CAST: variants seen among roughly 807,000 people sequenced by gnomAD.
CAST encodes MIR583 host.
CAST carries 76 observed loss-of-function variants against 119.6 expected under a neutral mutation model. The observed-to-expected ratio is 0.64, with a 90% CI of 0.53 to 0.77. The LOEUF (loss-of-function observed/expected upper bound fraction) is 0.77, where lower values mean the gene tolerates loss of function less well. Ranked by LOEUF, CAST falls within the 30% of genes least tolerant of loss-of-function variation. The pLI is 0.00. For synonymous variants in CAST, 319 were observed against 331.6 expected, an observed-to-expected ratio of 0.96 and a Z score of 0.41; for missense variants, 953 against 946.5, an observed-to-expected ratio of 1.01 and a Z score of -0.09.
At chr5:96,013,349 T>C in the CAST span, among the ~76,000 whole-genome samples, 14 of 151,926 alleles carry the variant, frequency 9.2e-5, no homozygotes. Context: ...CACCCATTTA[T>C]ACTTTTTGAA....
chr5:96,740,681 C>G (rs574711733), intron 12 of CAST, 64 bp from the exon 13 acceptor site: 2 of 1,161,268 alleles, frequency 1.7e-6, no homozygotes, highest in African/African-American at 3.0e-5. Flanking sequence ...ACGGGCAATA[C>G]ATTTTGCCGA....
At chr5:96,508,383 A>T in the CAST span, among the ~76,000 whole-genome samples, 1 of 152,170 alleles carries the variant, frequency 6.6e-6, no homozygotes, top group Non-Finnish European at 1.5e-5. Flanking sequence ...ATTCATTCAG[A>T]GTACCTAGTA....
At chr5:96,158,406 T>C in the CAST span, among the ~76,000 whole-genome samples, 1 of 152,206 alleles carries the variant, frequency 6.6e-6, no homozygotes, top group African/African-American at 2.4e-5. Flanking sequence ...TTAACCAGTT[T>C]TTAATAACTG....
chr5:96,448,988 C>A, the CAST span, among the ~76,000 whole-genome samples: 1 of 152,202 alleles, frequency 6.6e-6, no homozygotes, highest in African/African-American at 2.4e-5. Flanking sequence ...TGAAAAACAA[C>A]AATTCTCTGC....
At chr5:96,603,669 C>T (rs1747199819) in intron 1 of CAST, among the ~76,000 whole-genome samples, 1 of 147,850 alleles carries the variant, frequency 6.8e-6, no homozygotes, top group Non-Finnish European at 1.5e-5. Flanking sequence ...TGTAAAATAA[C>T]AATTAAAAGT....
chr5:96,370,886 G>A, the CAST span, among the ~76,000 whole-genome samples: 3 of 152,178 alleles, frequency 2.0e-5, no homozygotes. Context: ...ACCTGTTTAT[G>A]ATATAACTCA....
intron 2 of CAST, among the ~76,000 whole-genome samples, chr5:96,683,004 C>T (rs1751631839): frequency 6.6e-6 from 1 of 152,122 alleles, no homozygotes; most frequent in Admixed American, 6.5e-5. Flanking sequence ...CCACTGAACG[C>T]ACCAGATTTC....
chr5:96,180,819 A>G, the CAST span, among the ~76,000 whole-genome samples: 1 of 152,206 alleles, frequency 6.6e-6, no homozygotes, highest in East Asian at 1.9e-4. Context: ...ATGCAAGAAC[A>G]AGCAAACCAA....
At chr5:96,550,752 G>A (rs1007352070) in intron 1 of CAST, among the ~76,000 whole-genome samples, 7 of 152,250 alleles carry the variant, frequency 4.6e-5, no homozygotes, top group South Asian at 4.1e-4. Context: ...ACCACAGTAC[G>A]AGAACTTCAT....
At chr5:96,180,532 T>C in the CAST span, among the ~76,000 whole-genome samples, 1 of 152,126 alleles carries the variant, frequency 6.6e-6, no homozygotes, top group Non-Finnish European at 1.5e-5. Context: ...ACAACAATCA[T>C]ATGAAAACAT....
chr5:96,486,704 T>C, the CAST span, among the ~76,000 whole-genome samples: 1,617 of 115,898 alleles, frequency 0.014, 38 homozygotes, highest in African/African-American at 0.061. Flanking sequence ...ATCTTTTGTG[T>C]TGGGGGGGCA....
intron 2 of CAST, among the ~76,000 whole-genome samples, chr5:96,692,972 G>T (rs986149936): frequency 4.6e-5 from 7 of 152,170 alleles, no homozygotes; most frequent in African/African-American, 1.7e-4. Flanking sequence ...AAGAAAGGGG[G>T]CCAAAACAAC....
At chr5:96,619,707 C>G (rs1334740240) in intron 1 of CAST, among the ~76,000 whole-genome samples, 1 of 152,176 alleles carries the variant, frequency 6.6e-6, no homozygotes, top group African/African-American at 2.4e-5. Flanking sequence ...ATCCAAACAT[C>G]AGAATAACAA....
the CAST span, among the ~76,000 whole-genome samples, chr5:96,163,757 G>C: frequency 2.0e-5 from 3 of 152,154 alleles, no homozygotes; most frequent in African/African-American, 4.8e-5. Flanking sequence ...ATGCAATCTT[G>C]TGTAAGTTAC....
At chr5:96,678,205 C>A (rs1016419976) in intron 2 of CAST, among the ~76,000 whole-genome samples, 1 of 152,158 alleles carries the variant, frequency 6.6e-6, no homozygotes, top group Non-Finnish European at 1.5e-5. Context: ...TATTTTCTTA[C>A]CTACTGCTCT....
chr5:96,545,248 G>C (rs1280597978), intron 1 of CAST: 1 of 152,038 alleles, frequency 6.6e-6, no homozygotes, highest in Non-Finnish European at 1.5e-5. Flanking sequence ...ACTCTATCTT[G>C]GTTGGAAGCA....
At chr5:96,466,460 G>GTCACCT in the CAST span, among the ~76,000 whole-genome samples, 2 of 152,082 alleles carry the variant, frequency 1.3e-5, no homozygotes, top group African/African-American at 4.8e-5. Flanking sequence ...AGAGCCACTA[G>GTCACCT]TCACCTTCTG....
At chr5:96,361,024 C>G in the CAST span, among the ~76,000 whole-genome samples, 3 of 152,164 alleles carry the variant, frequency 2.0e-5, no homozygotes, top group African/African-American at 7.2e-5. Context: ...TTCAGAGATG[C>G]CCTGCCCAGA....
At chr5:96,287,375 A>G in the CAST span, among the ~76,000 whole-genome samples, 10 of 152,290 alleles carry the variant, frequency 6.6e-5, no homozygotes, top group East Asian at 1.7e-3. Flanking sequence ...GTATTTACAA[A>G]GAGTCATTTC....
Sources: allele counts gnomAD v4.1 joint callset (sites outside exome capture counted in the v4.1 genomes callset), GRCh38; gene constraint gnomAD v4.1.1; transcripts MANE v1.5; gene names NCBI Gene and HGNC (gene_info 2026-07-23, HGNC 2026-07-21).